SP100: variants seen among roughly 807,000 people sequenced by gnomAD.
SP100 encodes the protein nuclear autoantigen Sp-100.
Under a neutral mutation model 130.0 loss-of-function variants are expected in SP100, and 84 were observed. The ratio of observed to expected loss-of-function variants is 0.65; its 90% CI spans 0.54 to 0.77. The LOEUF (loss-of-function observed/expected upper bound fraction) is 0.77. SP100 is among the 30% of genes least tolerant of loss of function. The pLI is 0.00. For synonymous variants in SP100, 331 were observed against 351.7 expected (o/e 0.94, Z 0.66); for missense variants, 978 against 1,052.2 (o/e 0.93, Z 0.97).
At chr2:230,500,640 T>C (rs893785011) in intron 19 of SP100, among the ~76,000 whole-genome samples, 1 of 152,136 alleles carries the variant, frequency 6.6e-6, no homozygotes, top group African/African-American at 2.4e-5. Flanking sequence ...TGTCTTTTGA[T>C]GGAACTGTGG....
intron 17 of SP100, among the ~76,000 whole-genome samples, chr2:230,479,600 G>T (rs1041336121): frequency 2.0e-5 from 3 of 152,140 alleles, no homozygotes; most frequent in Admixed American, 6.5e-5. Flanking sequence ...GGGTTAGGAC[G>T]TACAAACAGG....
chr2:230,432,171 G>A (rs149066190), intron 2 of SP100, among the ~76,000 whole-genome samples: 74 of 152,130 alleles, frequency 4.9e-4, no homozygotes, highest in African/African-American at 6.5e-4. Flanking sequence ...TTATTTCATC[G>A]AACGTAATAT....
rs750389091 is a variant in SP100 at position 230,522,476 on chromosome 2, C to CTTTTTTTT, written c.2094+11325_2094+11332dup. Among the ~76,000 whole-genome samples the CTTTTTTTT allele has an allele frequency of 5.7e-3, 464 of 82,120 alleles. 50 individuals carry two copies. Among genetic ancestry groups the CTTTTTTTT allele is most frequent in the African/African-American group, 0.01 (203 of 20,054 alleles). 53.9% of individuals were successfully genotyped at this position (82,120 alleles called of 152,430 possible). ...TTTAGTGCTCTTTGGCCCCAGTGTT[C>CTTTTTTTT]TTTTTTTTTTTTTTTTTTTTTTGAG... On this transcript the variant is annotated intron_variant, in intron 24 of 28. Coordinates refer to ENST00000340126, the MANE Select transcript of SP100 (RefSeq NM_001080391.2).
intron 8 of SP100, among the ~76,000 whole-genome samples, chr2:230,453,416 T>A (rs1262002707): frequency 6.6e-6 from 1 of 152,190 alleles, no homozygotes; most frequent in Admixed American, 6.5e-5. Context: ...ATCTTTCAGT[T>A]TTTTGTCATT....
chr2:230,521,734 A>T (rs961028095), intron 24 of SP100, among the ~76,000 whole-genome samples: 15 of 152,190 alleles, frequency 9.9e-5, no homozygotes, highest in African/African-American at 3.6e-4. Flanking sequence ...ATGGGCCACG[A>T]GTCTCAGAAG....
At chr2:230,470,411 T>G (rs904628012) in intron 15 of SP100, 1 of 1,017,378 alleles carries the variant, frequency 9.8e-7, no homozygotes, top group African/African-American at 1.7e-5. Context: ...GATCTTAGAT[T>G]TTTATAGTGA....
In SP100 at chr2:230,425,888, T is replaced by C. The variant is rs148284006; in HGVS notation, c.107+8223T>C. 7.0e-4 allele frequency among the ~76,000 whole-genome samples: 106 copies of C among 152,260 alleles called. No homozygotes were observed. The East Asian group carries it at 0.011, about 16-fold the overall frequency. ...AATTCACTAGCATAGCCAACTGGTT[T>C]TTCTTTAATGGAAAGTTGTTTACTT... On this transcript the variant is annotated intron_variant, in intron 2 of 28. Coordinates refer to ENST00000340126, the MANE Select transcript of SP100 (RefSeq NM_001080391.2).
chr2:230,478,741 C>T (rs995796560), intron 17 of SP100, among the ~76,000 whole-genome samples: 1 of 152,046 alleles, frequency 6.6e-6, no homozygotes, highest in Non-Finnish European at 1.5e-5. Flanking sequence ...AAATGTAAGC[C>T]CGTGGAGCTC....
intron 2 of SP100, 112 bp downstream of exon 2, chr2:230,417,777 T>A: frequency 6.9e-7 from 1 of 1,449,062 alleles, no homozygotes; most frequent in Non-Finnish European, 9.1e-7. Flanking sequence ...TATAAATTGC[T>A]TGTTTGTTTT....
At chr2:230,440,656 A>C in intron 2 of SP100, 1 of 1,161,412 alleles carries the variant, frequency 8.6e-7, no homozygotes, top group Non-Finnish European at 1.1e-6. Context: ...AAATCCAAAA[A>C]AAAGTCCTAA....
At chr2:230,459,236 A>G (rs1435315833) in intron 8 of SP100, among the ~76,000 whole-genome samples, 1 of 152,210 alleles carries the variant, frequency 6.6e-6, no homozygotes, top group Non-Finnish European at 1.5e-5. Context: ...TGAATGAAAA[A>G]TTGGTAGAGA....
rs897931776 is a variant in SP100, at chr2:230,544,851, T to A, written c.*1905T>A. ...TGTTTTAAAAGCTCAATATCACTGA[T>A]CGTTAGAGACATGCAAATTAAAACT... On this transcript the variant is annotated 3_prime_UTR_variant, in exon 29 of 29. Transcript: ENST00000340126. Among the ~76,000 whole-genome samples, 3 of 152,198 alleles carry A rather than the reference T, an allele frequency of 2.0e-5. No individual in the cohort carries two copies. Among genetic ancestry groups the A allele is most frequent in the Non-Finnish European group, 2.9e-5 (2 of 68,040 alleles).
rs1465682028 is a variant in SP100, at chr2:230,459,011, C to T, written c.821-2251C>T. ...GGGCACAGCATGTAAGGAGACCTCA[C>T]TTGGCATGTGAGACTGAGCTTCCTT... On this transcript the variant is annotated intron_variant, in intron 8 of 28. Coordinates refer to ENST00000340126, the MANE Select transcript of SP100 (RefSeq NM_001080391.2). Among the ~76,000 whole-genome samples, 7 of 152,288 alleles carry T rather than the reference C, an allele frequency of 4.6e-5. No homozygotes were observed. In the South Asian group the frequency reaches 1.4e-3, roughly 32 times the overall value.
At chr2:230,477,939 CA>C (rs11420486) in intron 17 of SP100, among the ~76,000 whole-genome samples, 1 of 125,126 alleles carries the variant, frequency 8.0e-6, no homozygotes, top group Non-Finnish European at 1.6e-5. Flanking sequence ...TGTCTCAAAA[CA>C]AAACAAACAA....
chr2:230,420,437 A>G (rs887218277), intron 2 of SP100, among the ~76,000 whole-genome samples: 1 of 152,072 alleles, frequency 6.6e-6, no homozygotes, highest in Non-Finnish European at 1.5e-5. Flanking sequence ...TGTAATACTG[A>G]ATAGTAACAG....
chr2:230,474,471 T>A, intron 17 of SP100, 24 bp downstream of exon 17: 1 of 1,081,248 alleles, frequency 9.2e-7, no homozygotes, highest in Non-Finnish European at 1.4e-6. Flanking sequence ...AGAATTTACT[T>A]AATTTTTATG....
At chr2:230,424,614 A>G (rs1474909944) in intron 2 of SP100, among the ~76,000 whole-genome samples, 1 of 149,646 alleles carries the variant, frequency 6.7e-6, no homozygotes. Context: ...GGTTGTAGTG[A>G]GCCGATATCG....
intron 23 of SP100, chr2:230,509,911 C>T (rs1241451489): frequency 6.6e-6 from 1 of 152,246 alleles, no homozygotes; most frequent in African/African-American, 2.4e-5. Context: ...CTACAAAGCT[C>T]CAGGTGATGG....
chr2:230,443,000 C>T lies in SP100; in HGVS notation c.171C>T (p.Phe57=), dbSNP rs994537491. The T allele has an allele frequency of 5.0e-6, 8 of 1,613,712 alleles. No homozygotes were observed. The Admixed American group carries it at 6.7e-5, about 13-fold the overall frequency. ...TCTATGACATTGTATTCAAGCACTT[C>T]AAAAGAAATAAGGTGGAGATTTCAA... ...RLLYDIVFKH[F]KRNKVEISNA... The change falls in exon 3 of 29, where the codon TTC becomes TTT. Residue 57 remains phenylalanine (F), a synonymous_variant. Coordinates refer to ENST00000340126, the MANE Select transcript of SP100 (RefSeq NM_001080391.2).
Sources: allele counts gnomAD v4.1 joint callset (sites outside exome capture counted in the v4.1 genomes callset), GRCh38; gene constraint gnomAD v4.1.1; transcripts MANE v1.5; gene names NCBI Gene and HGNC (gene_info 2026-07-23, HGNC 2026-07-21).